Variants in SLC25A20 observed in about 807,000 individuals in gnomAD.
SLC25A20 encodes the protein solute carrier family 25 member 20.
In SLC25A20, 29 loss-of-function variants were observed where a neutral mutation model predicts 39.7. That is an observed-to-expected ratio of 0.73 (90% confidence interval 0.54 to 1.00). The LOEUF (loss-of-function observed/expected upper bound fraction) is 1.00, where lower values mean the gene tolerates loss of function less well. Among genes scored for constraint, SLC25A20 ranks in the 50% least tolerant of loss-of-function variants. The pLI is 0.00. For missense variants in SLC25A20, 333 were observed against 379.9 expected (o/e 0.88, Z 1.03); for synonymous variants, 103 against 142.2 (o/e 0.72, Z 1.96).
chr3:48,895,428 C>T (rs764266253), intron 1 of SLC25A20, among the ~76,000 whole-genome samples: 12 of 152,208 alleles, frequency 7.9e-5, no homozygotes, highest in African/African-American at 1.2e-4. Flanking sequence ...CGTGAGCCAC[C>T]GCGCCCAGCC....
At chr3:48,894,380 C>A (rs1009742503) in intron 1 of SLC25A20, among the ~76,000 whole-genome samples, 6 of 150,386 alleles carry the variant, frequency 4.0e-5, no homozygotes, top group African/African-American at 1.5e-4. Flanking sequence ...CCTGTCTCAG[C>A]CTCCCGCGTA....
At chr3:48,859,068 TCCA>T (rs1203836491) in intron 7 of SLC25A20, 21 bp downstream of exon 7, 1 of 1,593,906 alleles carries the variant, frequency 6.3e-7, no homozygotes, top group Non-Finnish European at 8.6e-7. Context: ...TCTCCCCCTG[TCCA>T]CCCCACTACC....
In SLC25A20 at chr3:48,879,893, T is replaced by C. The variant is rs184536089; in HGVS notation, c.327-445A>G. ...GGATCTGGACTTTAATCTCCCCCAGTAGTTCCCCTCCAGTCTCACTTCCCC... is the reference window on the plus strand; with the variant it reads ...GGATCTGGACTTTAATCTCCCCCAGCAGTTCCCCTCCAGTCTCACTTCCCC... On this transcript the variant is annotated intron_variant, in intron 3 of 8. Coordinates refer to ENST00000319017, the MANE Select transcript of SLC25A20 (RefSeq NM_000387.6). Among the ~76,000 whole-genome samples, 275 of 152,190 alleles carry C rather than the reference T, an allele frequency of 1.8e-3. 1 individual carries two copies. Among genetic ancestry groups the C allele is most frequent in the Non-Finnish European group, 3.1e-3 (213 of 68,000 alleles).
intron 2 of SLC25A20, among the ~76,000 whole-genome samples, chr3:48,888,728 C>T (rs140502640): frequency 0.029 from 4,434 of 152,182 alleles, 89 homozygotes; most frequent in Non-Finnish European, 0.049. Flanking sequence ...ATGACTACTA[C>T]TTAGTTTCTG....
At chr3:48,883,457 A>C (rs1212335814) in intron 3 of SLC25A20, among the ~76,000 whole-genome samples, 12 of 151,342 alleles carry the variant, frequency 7.9e-5, no homozygotes. Context: ...AGGCTAAGAC[A>C]GGAGAATTGC....
chr3:48,893,091 G>A (rs1286892920), intron 1 of SLC25A20, among the ~76,000 whole-genome samples: 1 of 151,500 alleles, frequency 6.6e-6, no homozygotes, highest in African/African-American at 2.4e-5. Context: ...CGGCGGTGTG[G>A]TCAATAGCTC....
intron 2 of SLC25A20, among the ~76,000 whole-genome samples, chr3:48,890,803 C>T (rs1043096161): frequency 4.7e-5 from 7 of 148,356 alleles, no homozygotes; most frequent in Non-Finnish European, 7.5e-5. Context: ...TACAGGTGCC[C>T]GCCACGACGT....
Sources: allele counts gnomAD v4.1 joint callset (sites outside exome capture counted in the v4.1 genomes callset), GRCh38; gene constraint gnomAD v4.1.1; transcripts MANE v1.5; gene names NCBI Gene and HGNC (gene_info 2026-07-23, HGNC 2026-07-21).